The following LTBP3 variants were observed in gnomAD, a reference collection of about 807,000 sequenced individuals.
LTBP3 encodes the protein latent transforming growth factor beta binding protein 3.
A neutral mutation model predicts 159.7 loss-of-function variants in LTBP3; 97 were observed. That is an observed-to-expected ratio of 0.61 (90% confidence interval 0.52 to 0.72). The LOEUF is 0.72. Among genes scored for constraint, LTBP3 ranks in the 30% least tolerant of loss-of-function variants. The probability of loss-of-function intolerance (pLI) is 0.00; values close to 1 mark genes in which losing one functional copy is unlikely to be tolerated. For missense variants in LTBP3, 1,584 were observed against 1,864.3 expected (o/e 0.85, Z 2.77); for synonymous variants, 824 against 777.1 (o/e 1.06, Z -1.00).
chr11:65,551,817 G>A, intron 8 of LTBP3, 155 bp downstream of exon 8: 1 of 998,318 alleles, frequency 1.0e-6, no homozygotes, highest in Non-Finnish European at 1.6e-6. Context: ...CAAATATCTG[G>A]GTCAGGGGTC....
In LTBP3 at chr11:65,543,513, T is replaced by C. The variant is rs753795098; in HGVS notation, c.2390A>G (p.Asn797Ser). 5.6e-6 allele frequency: 9 copies of C among 1,614,030 alleles called. No individual in the cohort carries two copies. Among genetic ancestry groups the C allele is most frequent in the Non-Finnish European group, 6.8e-6 (8 of 1,179,960 alleles). ...DECEAGDVCD[N>S]GICSNTPGSF... is the part of the protein sequence containing the mutation. ...TCCTGGCGTGTTGCTGCAGATGCCA[T>C]TGTCACACACGTCCCCAGCCTCACA... Residue 797 changes from asparagine to serine, a missense_variant, in exon 17 of 28, where the codon AAT becomes AGT. Around this residue, in one of 6 missense-constraint regions of LTBP3, gnomAD observed 565 missense variants for 677.7 expected, o/e 0.83. Coordinates refer to ENST00000301873, the MANE Select transcript of LTBP3 (RefSeq NM_001130144.3).
Position 65,539,040 on chromosome 11 carries a change from G to T in LTBP3, c.*40C>A. ...AGGCCGAGCTCGCGGAAATCCCTCA[G>T]TGATCACCGAGGTCTGGGCCGAGGG... On this transcript the variant is annotated 3_prime_UTR_variant, in exon 28 of 28. Coordinates refer to ENST00000301873, the MANE Select transcript of LTBP3 (RefSeq NM_001130144.3). 7.5e-7 allele frequency: 1 copy of T among 1,340,808 alleles called. No individual in the cohort carries two copies. Among genetic ancestry groups the T allele is most frequent in the Non-Finnish European group, 9.5e-7 (1 of 1,047,942 alleles). The allele number at this position is 1,340,808 out of a possible 1,614,324, so 83.1% of individuals were successfully genotyped here. A position where few individuals can be genotyped will look rare whatever the true frequency, so the allele number is the denominator to read the frequency against.
At position 65,558,106 on chromosome 11, in the gene LTBP3, G is replaced by C; in HGVS notation, c.-147C>G. On this transcript the variant is annotated 5_prime_UTR_variant, in exon 1 of 28. Coordinates refer to ENST00000301873, the MANE Select transcript of LTBP3 (RefSeq NM_001130144.3). ...GGGGAAGCGGGCGGGAGGGGACCGC[G>C]GGGGCCCGGCGGGAGGCGCGGAGAT... 8 of 1,077,882 alleles carry C rather than the reference G, an allele frequency of 7.4e-6. No individual in the cohort carries two copies. Among genetic ancestry groups the C allele is most frequent in the Non-Finnish European group, 9.0e-6 (8 of 888,402 alleles). 66.8% of individuals were successfully genotyped at this position (1,077,882 alleles called of 1,614,324 possible).
rs766878764 is a variant in LTBP3, at chr11:65,554,149, A to C, written c.563T>G (p.Val188Gly). Residue 188 changes from valine (V) to glycine (G), a missense_variant, in exon 2 of 28, where the codon GTC (valine) becomes GGC (glycine). By Grantham distance (109) the Val-to-Gly change is moderately radical (BLOSUM62 -3). Around this residue, in one of 6 missense-constraint regions of LTBP3, gnomAD observed 194 missense variants for 198.7 expected, o/e 0.98. Transcript: ENST00000301873. This position sits in a 1 kb window ranked among gnomAD's most constrained non-coding sequence, Gnocchi z 5.3. ...CCCAGGAGGGTCAGCGATCACCTGGACGGCGTAGATGGCGTGCTTGCTGGC... is the reference window on the plus strand; with the variant it reads ...CCCAGGAGGGTCAGCGATCACCTGGCCGGCGTAGATGGCGTGCTTGCTGGC... ...SVASKHAIYA[V>G]QVIADPPGPG... is the part of the protein sequence containing the mutation. The C allele has an allele frequency of 6.2e-7, 1 of 1,611,880 alleles. No homozygotes were observed. The highest frequency in any genetic ancestry group is 1.1e-5 in the South Asian group (1 of 91,068).
At position 65,540,880 on chromosome 11, in the gene LTBP3, C is replaced by A; in HGVS notation, c.2968G>T (p.Ala990Ser). The A allele has an allele frequency of 6.2e-7, 1 of 1,612,334 alleles. No homozygotes were observed. Among genetic ancestry groups the A allele is most frequent in the Non-Finnish European group, 8.5e-7 (1 of 1,179,340 alleles). The change falls in exon 21 of 28, where the codon GCC becomes TCC. Residue 990 changes from alanine (A) to serine (S), a missense_variant. Physicochemically the swap from Ala to Ser is moderately conservative, Grantham distance 99. This residue lies in a region of LTBP3 where 514 missense variants were observed against 530.3 expected (regional missense o/e 0.97). Transcript: ENST00000301873. The stretch of plus-strand genomic sequence containing the variant: ...GCCGCAGGGCGCTTACCACGGTGGG[C>A]TGGGATGCCGTAGTTGACGATGTTG... The part of the protein sequence containing the change: ...DNNIVNYGIP[A>S]HRDIDECMLF...
In LTBP3 at chr11:65,543,235, T is replaced by C; in HGVS notation, c.2477-11A>G. 9 of 1,613,996 alleles carry C rather than the reference T, an allele frequency of 5.6e-6. No individual in the cohort carries two copies. Among genetic ancestry groups the C allele is most frequent in the Non-Finnish European group, 7.6e-6 (9 of 1,179,956 alleles). Reference sequence around the variant, plus strand: ...CACACTCATCAATGTCTGTAGGGGATGGAAGGGGTGGAGAATCTCAGGGGC... The same window carrying C: ...CACACTCATCAATGTCTGTAGGGGACGGAAGGGGTGGAGAATCTCAGGGGC... On this transcript the variant is annotated splice_polypyrimidine_tract_variant and intron_variant, in intron 17 of 27. Coordinates refer to ENST00000301873, the MANE Select transcript of LTBP3 (RefSeq NM_001130144.3).
At chr11:65,545,513 C>T in intron 16 of LTBP3, 1 of 231,896 alleles carries the variant, frequency 4.3e-6, no homozygotes, top group Non-Finnish European at 8.5e-6. Flanking sequence ...CCCCCTCACT[C>T]ACCCAAACTG....
At chr11:65,548,437 G>A (rs934094276) in intron 11 of LTBP3, 23 of 435,936 alleles carry the variant, frequency 5.3e-5, no homozygotes, top group African/African-American at 3.4e-4. Flanking sequence ...CTATAGCCTC[G>A]GTCACACCAG....
At position 65,552,015 on chromosome 11, in the gene LTBP3, G is replaced by GCTCTC; in HGVS notation, c.1483_1487dup (p.Ser496ArgfsTer19). On this transcript the variant is annotated frameshift_variant, in exon 8 of 28. Coordinates refer to ENST00000301873, the MANE Select transcript of LTBP3 (RefSeq NM_001130144.3). LOFTEE classifies it high-confidence loss of function. The surrounding 1 kb of genome is among the most constrained non-coding windows in gnomAD (Gnocchi z 6.0). Reference sequence around the variant, plus strand: ...CCTCAGGTGGTGGAGCCTGGCTAGGGCTCTCCGGAAGCTGCTGGGGCTTGG... The same window carrying GCTCTC: ...CCTCAGGTGGTGGAGCCTGGCTAGGGCTCTCCTCTCCGGAAGCTGCTGGGGCTTGG... 1 of 1,614,028 alleles carries GCTCTC rather than the reference G, an allele frequency of 6.2e-7. No individual in the cohort carries two copies. Among genetic ancestry groups the GCTCTC allele is most frequent in the Non-Finnish European group, 8.5e-7 (1 of 1,179,988 alleles).
chr11:65,557,901 G>A lies in LTBP3; in HGVS notation c.59C>T (p.Ala20Val), dbSNP rs2135168903. The change falls in exon 1 of 28, where the codon GCG (alanine) becomes GTG (valine). Residue 20 changes from alanine (A) to valine (V), a missense_variant. Ala to Val is a moderately conservative substitution (Grantham distance 64, BLOSUM62 0). Coordinates refer to ENST00000301873, the MANE Select transcript of LTBP3 (RefSeq NM_001130144.3). ...CAGCAGCAGCGCCAGCAGCCCCGCC[G>A]CCCCCGCCCCGCGCATCTCAGGGGC... is the stretch of plus-strand genomic sequence containing the variant. Reference protein sequence around the residue: ...GLAPEMRGAGAAGLLALLLLL... With the variant: ...GLAPEMRGAGVAGLLALLLLL... 2 of 1,269,306 alleles carry A rather than the reference G, an allele frequency of 1.6e-6. No individual in the cohort carries two copies. Among genetic ancestry groups the A allele is most frequent in the Non-Finnish European group, 2.0e-6 (2 of 997,708 alleles). The allele number at this position is 1,269,306 out of a possible 1,614,324, so 78.6% of individuals were successfully genotyped here.
At chr11:65,549,760 A>G (rs12799784) in intron 11 of LTBP3, among the ~76,000 whole-genome samples, 7,643 of 145,428 alleles carry the variant, frequency 0.053, 249 homozygotes, top group South Asian at 0.14. Flanking sequence ...AGGCCGGGAA[A>G]AAAAAAAAAA....
In LTBP3 at chr11:65,552,200, C is replaced by T; in HGVS notation, c.1346-43G>A. 1 of 1,614,156 alleles carries T rather than the reference C, an allele frequency of 6.2e-7. No individual in the cohort carries two copies. The highest frequency in any genetic ancestry group is 8.5e-7 in the Non-Finnish European group (1 of 1,179,998). On this transcript the variant is annotated intron_variant, in intron 7 of 27. Transcript: ENST00000301873. The surrounding 1 kb of genome is among the most constrained non-coding windows in gnomAD (Gnocchi z 6.0). ...GACACAAAAGTGAGCATTTCCTGGA[C>T]AGGTGCATGGACCTATGAACCCCTA...
chr11:65,553,793 G>A lies in LTBP3; in HGVS notation c.772C>T (p.His258Tyr). 1 of 1,565,096 alleles carries A rather than the reference G, an allele frequency of 6.4e-7. No individual in the cohort carries two copies. Among genetic ancestry groups the A allele is most frequent in the Non-Finnish European group, 8.6e-7 (1 of 1,163,026 alleles). Residue 258 changes from histidine (H) to tyrosine (Y), a missense_variant, in exon 3 of 28, where the codon CAC becomes TAC. Physicochemically the swap from His to Tyr is moderately conservative, Grantham distance 83. Transcript: ENST00000301873. This position sits in a 1 kb window ranked among gnomAD's most constrained non-coding sequence, Gnocchi z 6.5. ...SNAESAAPSQHLLPHPKPSHP... is the reference protein window; with the variant it reads ...SNAESAAPSQYLLPHPKPSHP... Reference sequence around the variant, plus strand: ...GAGGGCTTGGGGTGCGGCAGCAGGTGCTGGGAGGGGGCTGCGCTCTCGGCG... The same window carrying A: ...GAGGGCTTGGGGTGCGGCAGCAGGTACTGGGAGGGGGCTGCGCTCTCGGCG...
Position 65,540,100 on chromosome 11 carries a change from G to A in LTBP3, c.3298C>T (p.Leu1100=). The A allele has an allele frequency of 1.3e-6, 2 of 1,526,834 alleles. No individual in the cohort carries two copies. Among genetic ancestry groups the A allele is most frequent in the Non-Finnish European group, 1.8e-6 (2 of 1,141,090 alleles). The allele number at this position is 1,526,834 out of a possible 1,614,324, so 94.6% of individuals were successfully genotyped here. A position where few individuals can be genotyped will look rare whatever the true frequency, so the allele number is the denominator to read the frequency against. Reference sequence around the variant, plus strand: ...CACTCGCAGCGGTAGGAGCCCGGCAGGTTGACGCAGCGGCCAGGGCGGCAG... The same window carrying A: ...CACTCGCAGCGGTAGGAGCCCGGCAAGTTGACGCAGCGGCCAGGGCGGCAG... The part of the protein sequence containing the change: ...AACRPGRCVN[L]PGSYRCECRP... Residue 1100 remains leucine (L), a synonymous_variant, in exon 24 of 28, where the codon CTG becomes TTG. Transcript: ENST00000301873.
rs1209633532 is a variant in LTBP3, at chr11:65,558,249, G to T, written c.-290C>A. ...GCAAGTTGAGGCGGAGAGGAGGAGC[G>T]AGGGAGAGGAAGGCCGGGCGGCCGG... On this transcript the variant is annotated 5_prime_UTR_variant, in exon 1 of 28. Transcript: ENST00000301873. The T allele has an allele frequency of 9.7e-7, 1 of 1,033,672 alleles. No individual in the cohort carries two copies. Among genetic ancestry groups the T allele is most frequent in the South Asian group, 4.6e-5 (1 of 21,594 alleles). The allele number at this position is 1,033,672 out of a possible 1,614,324, so 64.0% of individuals were successfully genotyped here. A position where few individuals can be genotyped will look rare whatever the true frequency, so the allele number is the denominator to read the frequency against.
Position 65,558,293 on chromosome 11 carries a change from CT to C in LTBP3, c.-335del, listed in dbSNP as rs1856885046. The C allele has an allele frequency of 1.2e-6, 1 of 828,612 alleles. No homozygotes were observed. Among genetic ancestry groups the C allele is most frequent in the Non-Finnish European group, 1.5e-6 (1 of 671,440 alleles). The allele number at this position is 828,612 out of a possible 1,614,324, so 51.3% of individuals were successfully genotyped here. A position where few individuals can be genotyped will look rare whatever the true frequency, so the allele number is the denominator to read the frequency against. On this transcript the variant is annotated 5_prime_UTR_variant, in exon 1 of 28. Coordinates refer to ENST00000301873, the MANE Select transcript of LTBP3 (RefSeq NM_001130144.3). ...CGGCCGGCCCGCTCCGCGCCTCCCC[CT>C]GGCCGGGCTCCTCTCCCGCGGCCGC...
chr11:65,540,279 G>T lies in LTBP3; in HGVS notation c.3210C>A (p.Pro1070=). The T allele has an allele frequency of 6.4e-7, 1 of 1,555,484 alleles. No homozygotes were observed. The change falls in exon 23 of 28, where the codon CCC becomes CCA. Residue 1070 remains proline, a synonymous_variant. Transcript: ENST00000301873. ...CCGGGCTCAGGCACTGGCGCTGCGC[G>T]GGACTGTACTCGGCAGGGGGCGTGC... The part of the protein sequence containing the change: ...CACTPPAEYS[P]AQRQCLSPEE...
chr11:65,547,985 G>A lies in LTBP3; in HGVS notation c.1781C>T (p.Pro594Leu). The change falls in exon 12 of 28, where the codon CCC becomes CTC. Residue 594 changes from proline to leucine, a missense_variant. By Grantham distance (98) the Pro-to-Leu change is moderately conservative. Transcript: ENST00000301873. The surrounding 1 kb of genome is among the most constrained non-coding windows in gnomAD (Gnocchi z 4.6). ...GTTGCAGTGGCAGGAGTAGTCAGGG[G>A]GGCCCGGCACGCACTCTCCGTGGCC... is the stretch of plus-strand genomic sequence containing the variant. ...ICGHGECVPGPPDYSCHCNPG... is the reference protein window; with the variant it reads ...ICGHGECVPGLPDYSCHCNPG... The A allele has an allele frequency of 6.2e-7, 1 of 1,613,844 alleles. No homozygotes were observed. Among genetic ancestry groups the A allele is most frequent in the Non-Finnish European group, 8.5e-7 (1 of 1,179,992 alleles).
In LTBP3 at chr11:65,554,070, C is replaced by T. The variant is rs758365981; in HGVS notation, c.642G>A (p.Pro214=). Reference sequence around the variant, plus strand: ...TGGTACCTTCTGCTGAGATCTGTCCCGGGCCTAGGGGCACCAGGAAGGCTG... The same window carrying T: ...TGGTACCTTCTGCTGAGATCTGTCCTGGGCCTAGGGGCACCAGGAAGGCTG... ...QHAAFLVPLG[P]GQISAEVQAP... Residue 214 remains proline, a synonymous_variant, in exon 2 of 28, where the codon CCG becomes CCA. Transcript: ENST00000301873. This position sits in a 1 kb window ranked among gnomAD's most constrained non-coding sequence, Gnocchi z 5.3. 4.4e-6 allele frequency: 7 copies of T among 1,604,928 alleles called. 1 individual carries two copies. The highest frequency in any genetic ancestry group is 2.2e-5 in the South Asian group (2 of 91,060).
Sources: allele counts gnomAD v4.1 joint callset (sites outside exome capture counted in the v4.1 genomes callset), GRCh38; gene constraint gnomAD v4.1.1; regional missense constraint gnomAD v4.1.1; non-coding constraint Gnocchi (gnomAD v3.1); transcripts MANE v1.5; gene names NCBI Gene and HGNC (gene_info 2026-07-23, HGNC 2026-07-21).